RANBP2: variants seen among roughly 807,000 people sequenced by gnomAD.
RANBP2 encodes RAN binding protein 2.
In RANBP2, 57 loss-of-function variants were observed where a neutral mutation model predicts 303.6. The ratio of observed to expected loss-of-function variants is 0.19; its 90% CI spans 0.15 to 0.23. The LOEUF is 0.23. Ranked by LOEUF, RANBP2 falls within the 10% of genes least tolerant of loss-of-function variation. The probability of loss-of-function intolerance (pLI) is 1.00; values close to 1 mark genes in which losing one functional copy is unlikely to be tolerated. For missense variants in RANBP2, 3,138 were observed against 3,780.8 expected (o/e 0.83, Z 4.46); for synonymous variants, 1,167 against 1,301.5 (o/e 0.90, Z 2.23).
At chr2:109,227,618 G>A in the RANBP2 span, among the ~76,000 whole-genome samples, 5 of 152,170 alleles carry the variant, frequency 3.3e-5, no homozygotes, top group East Asian at 3.9e-4. Flanking sequence ...GATTCCCCTG[G>A]ATCTGGCCTG....
chr2:109,137,846 T>A, the RANBP2 span, among the ~76,000 whole-genome samples: 16 of 152,346 alleles, frequency 1.1e-4, no homozygotes, highest in South Asian at 3.3e-3. Flanking sequence ...GGTCAAGGAA[T>A]CCTTCAGATG....
chr2:109,611,792 A>G, the RANBP2 span, among the ~76,000 whole-genome samples: 1 of 152,156 alleles, frequency 6.6e-6, no homozygotes, highest in African/African-American at 2.4e-5. Flanking sequence ...GTGTCACTAT[A>G]TACCTATAAG....
At chr2:109,389,402 G>A in the RANBP2 span, among the ~76,000 whole-genome samples, 5 of 152,240 alleles carry the variant, frequency 3.3e-5, no homozygotes, top group Non-Finnish European at 7.3e-5. Context: ...CAGTGACACT[G>A]CATTTGACAT....
the RANBP2 span, among the ~76,000 whole-genome samples, chr2:108,831,210 G>A: frequency 0.85 from 129,760 of 152,150 alleles, 55,744 homozygotes; most frequent in East Asian, 1. Flanking sequence ...GACAATGTCA[G>A]ATCATCACTG....
chr2:109,052,960 T>C, the RANBP2 span, among the ~76,000 whole-genome samples: 1 of 152,238 alleles, frequency 6.6e-6, no homozygotes. Flanking sequence ...TCATTCCATG[T>C]CAGAGCTCGC....
the RANBP2 span, among the ~76,000 whole-genome samples, chr2:109,495,030 C>T: frequency 1.3e-5 from 2 of 152,166 alleles, no homozygotes; most frequent in African/African-American, 2.4e-5. Context: ...GGCAGCAGGC[C>T]AGTCTCGTAA....
chr2:109,134,737 C>T, the RANBP2 span, among the ~76,000 whole-genome samples: 1 of 152,180 alleles, frequency 6.6e-6, no homozygotes, highest in Non-Finnish European at 1.5e-5. Context: ...ACAGGCTCAG[C>T]TCGTTGGTAG....
the RANBP2 span, among the ~76,000 whole-genome samples, chr2:108,965,288 TA>T: frequency 2.6e-5 from 4 of 151,984 alleles, no homozygotes; most frequent in Non-Finnish European, 4.4e-5. Flanking sequence ...CCATCCTGGC[TA>T]ACATGGTGAA....
chr2:108,799,802 T>G, the RANBP2 span, among the ~76,000 whole-genome samples: 2 of 152,152 alleles, frequency 1.3e-5, no homozygotes, highest in African/African-American at 4.8e-5. Context: ...CTCCATTCCT[T>G]TTTTTCCCAT....
chr2:109,527,455 T>G, the RANBP2 span, among the ~76,000 whole-genome samples: 2 of 152,064 alleles, frequency 1.3e-5, no homozygotes, highest in Non-Finnish European at 2.9e-5. Flanking sequence ...GTCTCACAGA[T>G]CCTAAACTCC....
At chr2:109,450,661 AT>A in the RANBP2 span, among the ~76,000 whole-genome samples, 37 of 150,470 alleles carry the variant, frequency 2.5e-4, no homozygotes, top group East Asian at 7.8e-4. Context: ...ATATTTTAGT[AT>A]TTTTTTTTTA....
At chr2:109,131,437 T>C in the RANBP2 span, among the ~76,000 whole-genome samples, 2 of 152,262 alleles carry the variant, frequency 1.3e-5, no homozygotes, top group Non-Finnish European at 2.9e-5. Flanking sequence ...GTAAGGTATT[T>C]ATAATTAAAT....
chr2:109,598,249 T>C, the RANBP2 span, among the ~76,000 whole-genome samples: 4 of 151,960 alleles, frequency 2.6e-5, no homozygotes, highest in East Asian at 7.9e-4. Context: ...TGTATTTTTA[T>C]TAGAGACAGG....
chr2:109,022,674 C>T, the RANBP2 span, among the ~76,000 whole-genome samples: 3 of 152,112 alleles, frequency 2.0e-5, no homozygotes. Flanking sequence ...GGGTGATGGT[C>T]ACACTAAAAG....
chr2:109,006,260 C>G, the RANBP2 span, among the ~76,000 whole-genome samples: 3 of 152,138 alleles, frequency 2.0e-5, no homozygotes, highest in East Asian at 5.8e-4. Flanking sequence ...ATGGCGCGAT[C>G]TCGGCTCGCT....
chr2:108,786,848 C>T (rs754921500), downstream of RANBP2: 2 of 1,590,728 alleles, frequency 1.3e-6, no homozygotes, highest in Non-Finnish European at 1.7e-6. Flanking sequence ...GTCAAGCCAC[C>T]GGGGCAGGAT....
chr2:109,195,894 C>G, the RANBP2 span, among the ~76,000 whole-genome samples: 3 of 152,334 alleles, frequency 2.0e-5, no homozygotes, highest in Admixed American at 6.5e-5. Flanking sequence ...TCCCTTCCAC[C>G]TCTCAGGGTT....
chr2:109,518,799 G>A, the RANBP2 span, among the ~76,000 whole-genome samples: 1 of 152,006 alleles, frequency 6.6e-6, no homozygotes, highest in African/African-American at 2.4e-5. Context: ...GGCTGTACAG[G>A]AAGCAACTGC....
chr2:109,108,812 G>A, the RANBP2 span, among the ~76,000 whole-genome samples: 1 of 152,188 alleles, frequency 6.6e-6, no homozygotes, highest in African/African-American at 2.4e-5. Context: ...TCCTCTCTCA[G>A]TCTTTGCCGC....
Sources: allele counts gnomAD v4.1 joint callset (sites outside exome capture counted in the v4.1 genomes callset), GRCh38; gene constraint gnomAD v4.1.1; transcripts MANE v1.5; gene names NCBI Gene and HGNC (gene_info 2026-07-23, HGNC 2026-07-21).